Variants in KRABD4 observed in about 807,000 individuals in gnomAD.
KRABD4 encodes the protein KRAB domain containing 4, also known as KRAB domain-containing protein 4.
chrX:46,453,140 C>T, the KRABD4 span, among the ~76,000 whole-genome samples: 1 of 111,713 alleles, frequency 9.0e-6, no homozygotes, highest in African/African-American at 3.3e-5. Flanking sequence ...TCTTATACAT[C>T]TTGGGGAGTG....
At chrX:46,464,125 C>T in the KRABD4 span, among the ~76,000 whole-genome samples, 835 of 110,454 alleles carry the variant, frequency 7.6e-3, 6 homozygotes, top group African/African-American at 0.026. Flanking sequence ...GTATTTTAGT[C>T]CTGCATAGAA....
At chrX:46,464,121 T>C in the KRABD4 span, among the ~76,000 whole-genome samples, 2,677 of 111,247 alleles carry the variant, frequency 0.024, 84 homozygotes, top group African/African-American at 0.08. Flanking sequence ...AACCGTATTT[T>C]AGTCCTGCAT....
At chrX:46,464,525 C>G in the KRABD4 span, among the ~76,000 whole-genome samples, 1 of 112,530 alleles carries the variant, frequency 8.9e-6, no homozygotes, top group South Asian at 3.7e-4. Flanking sequence ...AGAACCCACT[C>G]CTCAGCACAC....
chrX:46,450,423 C>T, the KRABD4 span: 1 of 1,186,816 alleles, frequency 8.4e-7, no homozygotes, highest in South Asian at 1.8e-5. Context: ...CTAATTTTGC[C>T]TTTATAGATC....
At chrX:46,472,418 A>G in the KRABD4 span, 1 of 214,510 alleles carries the variant, frequency 4.7e-6, no homozygotes, top group Non-Finnish European at 8.4e-6. Flanking sequence ...TCATGATTAG[A>G]GCCTTAGTCC....
At chrX:46,462,227 C>T in the KRABD4 span, among the ~76,000 whole-genome samples, 1 of 111,922 alleles carries the variant, frequency 8.9e-6, no homozygotes, top group Non-Finnish European at 1.9e-5. Context: ...ATGAGAAAGG[C>T]CAGGCCGGGC....
chrX:46,462,686 G>C, the KRABD4 span: 12 of 1,208,457 alleles, frequency 9.9e-6, no homozygotes, highest in South Asian at 1.8e-5. Flanking sequence ...GTGTGCGTGA[G>C]ATGCCATGTC....
the KRABD4 span, among the ~76,000 whole-genome samples, chrX:46,461,549 G>A: frequency 8.0e-4 from 89 of 111,664 alleles, no homozygotes; most frequent in African/African-American, 2.8e-3. Context: ...GGGCCTTATG[G>A]GTGCAGCGAG....
chrX:46,462,627 C>T, the KRABD4 span: 15 of 1,151,272 alleles, frequency 1.3e-5, no homozygotes, highest in East Asian at 3.1e-5. Context: ...GTGCACCTCA[C>T]GCTCTTCATC....
chrX:46,462,219 G>C, the KRABD4 span, among the ~76,000 whole-genome samples: 1 of 112,195 alleles, frequency 8.9e-6, no homozygotes, highest in East Asian at 2.8e-4. Flanking sequence ...ACAATTATAT[G>C]AGAAAGGCCA....
At chrX:46,450,587 A>G in the KRABD4 span, 4 of 688,126 alleles carry the variant, frequency 5.8e-6, no homozygotes, top group East Asian at 3.4e-5. Flanking sequence ...GCTGTTTTCT[A>G]TTCAACTTGT....
At chrX:46,473,262 C>T in the KRABD4 span, 9 of 1,182,226 alleles carry the variant, frequency 7.6e-6, no homozygotes, top group South Asian at 1.9e-5. Flanking sequence ...ATGAATGCTG[C>T]GAATGTGCAA....
At chrX:46,461,286 A>T in the KRABD4 span, among the ~76,000 whole-genome samples, 1 of 110,543 alleles carries the variant, frequency 9.0e-6, no homozygotes, top group Non-Finnish European at 1.9e-5. Flanking sequence ...TGCCACTGGG[A>T]CCATTACAAG....
the KRABD4 span, among the ~76,000 whole-genome samples, chrX:46,459,327 A>G: frequency 3.1e-4 from 4 of 12,949 alleles, no homozygotes; most frequent in African/African-American, 4.4e-3. Flanking sequence ...AAAAAAAAGA[A>G]AAAAAAAAAA....
the KRABD4 span, among the ~76,000 whole-genome samples, chrX:46,447,803 C>CT: frequency 8.2e-3 from 915 of 111,555 alleles, 13 homozygotes; most frequent in African/African-American, 0.029. Flanking sequence ...CCCGAGGAAT[C>CT]TTTTTTTTCT....
the KRABD4 span, among the ~76,000 whole-genome samples, chrX:46,462,277 T>C: frequency 1.8e-5 from 2 of 111,444 alleles, no homozygotes; most frequent in Non-Finnish European, 3.8e-5. Flanking sequence ...TTTGGAAGGC[T>C]AAGGCGGGCA....
the KRABD4 span, among the ~76,000 whole-genome samples, chrX:46,471,350 C>G: frequency 9.0e-6 from 1 of 111,348 alleles, no homozygotes; most frequent in Non-Finnish European, 1.9e-5. Flanking sequence ...TGGTATATCT[C>G]CATCCCTTTA....
chrX:46,456,036 C>T, the KRABD4 span: 1 of 355,394 alleles, frequency 2.8e-6, no homozygotes, highest in Non-Finnish European at 5.5e-6. Context: ...GGTGCTTCCT[C>T]TTCTGAAATC....
At chrX:46,473,481 A>C in the KRABD4 span, 1 of 931,234 alleles carries the variant, frequency 1.1e-6, no homozygotes, top group Non-Finnish European at 1.5e-6. Context: ...ACATCAGATA[A>C]TTCATATGGG....
Sources: gnomAD v4.1 joint callset for allele counts (sites outside exome capture counted in the v4.1 genomes callset) on GRCh38, gnomAD v4.1.1 for gene constraint, MANE v1.5 for transcripts, NCBI Gene and HGNC (gene_info 2026-07-23, HGNC 2026-07-21) for gene names.